Variants in IGDCC3 observed in about 807,000 individuals in gnomAD.
IGDCC3 encodes the protein putative neuronal cell adhesion molecule.
In IGDCC3, 47 loss-of-function variants were observed where a neutral mutation model predicts 72.0. That is an observed-to-expected ratio of 0.65 (90% CI 0.52 to 0.83). The LOEUF (loss-of-function observed/expected upper bound fraction) is 0.83. Ranked by LOEUF, IGDCC3 falls within the 40% of genes least tolerant of loss-of-function variation. IGDCC3 has a pLI of 0.00. For missense variants in IGDCC3, 1,038 were observed against 1,091.3 expected (o/e 0.95, Z 0.69); for synonymous variants, 477 against 472.8 (o/e 1.01, Z -0.11).
intron 2 of IGDCC3, among the ~76,000 whole-genome samples, chr15:65,374,380 A>T (rs184455013): frequency 6.6e-6 from 1 of 152,270 alleles, no homozygotes; most frequent in Admixed American, 6.5e-5. Flanking sequence ...CAATAACATA[A>T]TTTTTGCAGG....
In IGDCC3 at chr15:65,334,784, ACCG is replaced by A. The variant is rs1567061768; in HGVS notation, c.764_766del (p.Ala255del). The A allele has an allele frequency of 6.2e-7, 1 of 1,610,126 alleles. No homozygotes were observed. Among genetic ancestry groups the A allele is most frequent in the East Asian group, 2.2e-5 (1 of 44,740 alleles). On this transcript the variant is annotated inframe_deletion, in exon 5 of 14. Coordinates refer to ENST00000327987, the MANE Select transcript of IGDCC3 (RefSeq NM_004884.4). ...GTTGCCCGTGGCGACACACTCAAGC[ACCG>A]CGGTCTGGTGCACTGTCAGGGTGAG... is the stretch of plus-strand genomic sequence containing the variant.
At chr15:65,370,081 C>G (rs1365647433) in intron 2 of IGDCC3, among the ~76,000 whole-genome samples, 2 of 152,166 alleles carry the variant, frequency 1.3e-5, no homozygotes, top group Non-Finnish European at 2.9e-5. Context: ...TGGACTTTCT[C>G]TCCTCTCCCC....
Position 65,332,105 on chromosome 15 carries a change from G to C in IGDCC3, c.984C>G (p.Ala328=). The C allele has an allele frequency of 6.2e-7, 1 of 1,612,744 alleles. No individual in the cohort carries two copies. The highest frequency in any genetic ancestry group is 1.7e-4 in the Middle Eastern group (1 of 6,056). ...GGGGATGCTGCACAAACTCAGCTGG[G>C]GCTGCGAGTAGAGTCAGGAGGGTGG... ...RTAQGRLVVQ[A]PAEFVQHPQS... The change falls in exon 7 of 14, where the codon GCC becomes GCG. Residue 328 remains alanine (A), a splice_region_variant and synonymous_variant. Coordinates refer to ENST00000327987, the MANE Select transcript of IGDCC3 (RefSeq NM_004884.4).
At chr15:65,353,539 C>T (rs778606622) in intron 2 of IGDCC3, among the ~76,000 whole-genome samples, 6 of 152,078 alleles carry the variant, frequency 3.9e-5, no homozygotes. Flanking sequence ...CGTGAGCCAC[C>T]GTGCCCGGCC....
chr15:65,337,609 A>G (rs2091042796), intron 2 of IGDCC3, among the ~76,000 whole-genome samples: 1 of 152,130 alleles, frequency 6.6e-6, no homozygotes, highest in South Asian at 2.1e-4. Flanking sequence ...GCCTCAGGCC[A>G]AAGGCTGTGT....
At chr15:65,342,699 C>T (rs187075019) in intron 2 of IGDCC3, among the ~76,000 whole-genome samples, 8 of 152,328 alleles carry the variant, frequency 5.3e-5, no homozygotes, top group Admixed American at 3.3e-4. Context: ...TGCACTCCCC[C>T]CTCTTGGCCA....
intron 2 of IGDCC3, among the ~76,000 whole-genome samples, chr15:65,349,968 A>G (rs887960478): frequency 4.6e-5 from 7 of 152,126 alleles, no homozygotes; most frequent in African/African-American, 1.2e-4. Flanking sequence ...TGGTTTAAAT[A>G]TCTGCGTGAC....
intron 2 of IGDCC3, among the ~76,000 whole-genome samples, chr15:65,349,392 ATT>A (rs1446717681): frequency 2.0e-5 from 3 of 152,082 alleles, no homozygotes; most frequent in Non-Finnish European, 4.4e-5. Context: ...TACCAGTCAG[ATT>A]TTGGGTTTCT....
intron 2 of IGDCC3, among the ~76,000 whole-genome samples, chr15:65,371,856 G>A (rs1008130286): frequency 6.6e-6 from 1 of 152,186 alleles, no homozygotes; most frequent in Non-Finnish European, 1.5e-5. Flanking sequence ...CCTTTAGAGG[G>A]ATAGCGGAGG....
At chr15:65,342,311 G>C (rs1347587898) in intron 2 of IGDCC3, among the ~76,000 whole-genome samples, 1 of 151,808 alleles carries the variant, frequency 6.6e-6, no homozygotes, top group Non-Finnish European at 1.5e-5. Context: ...GCTTGAACCC[G>C]GGAGGTGGAG....
rs913232046 is a variant in IGDCC3, at chr15:65,328,054, A to AT, written c.*854dup. On this transcript the variant is annotated 3_prime_UTR_variant, in exon 14 of 14. Coordinates refer to ENST00000327987, the MANE Select transcript of IGDCC3 (RefSeq NM_004884.4). ...TCCTCTCATTTTTGGCTGCTTTCACATTTTTTCTCTGCCCAATCCATTTCT... is the reference window on the plus strand; with the variant it reads ...TCCTCTCATTTTTGGCTGCTTTCACATTTTTTTCTCTGCCCAATCCATTTCT... 8 of 152,372 alleles carry AT rather than the reference A, an allele frequency of 5.3e-5. No homozygotes were observed. Among genetic ancestry groups the AT allele is most frequent in the Non-Finnish European group, 8.8e-5 (6 of 68,022 alleles). The allele number at this position is 152,372 out of a possible 1,614,324, so 9.4% of individuals were successfully genotyped here. A position where few individuals can be genotyped will look rare whatever the true frequency, so the allele number is the denominator to read the frequency against.
intron 2 of IGDCC3, among the ~76,000 whole-genome samples, chr15:65,363,964 T>C (rs1185649698): frequency 6.6e-6 from 1 of 152,130 alleles, no homozygotes. Context: ...GCAAGACTTG[T>C]CTACACAGAG....
At chr15:65,349,152 G>A (rs571845021) in intron 2 of IGDCC3, among the ~76,000 whole-genome samples, 12 of 152,250 alleles carry the variant, frequency 7.9e-5, no homozygotes, top group Non-Finnish European at 1.3e-4. Context: ...AGGCCCATCT[G>A]GGGGCAAATT....
chr15:65,334,292 T>C lies in IGDCC3; in HGVS notation c.823+436A>G, dbSNP rs147219482. Among the ~76,000 whole-genome samples the C allele has an allele frequency of 4.3e-3, 656 of 152,122 alleles. 3 individuals carry two copies. The highest frequency in any genetic ancestry group is 7.4e-3 in the Non-Finnish European group (505 of 67,972). On this transcript the variant is annotated intron_variant, in intron 5 of 13. Coordinates refer to ENST00000327987, the MANE Select transcript of IGDCC3 (RefSeq NM_004884.4). ...GGGACTTAGGGGGCCAGGCTAGAGA[T>C]TGGGGGGGCCCAGAGTGAGGGTCTG...
Position 65,333,486 on chromosome 15 carries a change from T to C in IGDCC3, c.824-71A>G. The C allele has an allele frequency of 4.2e-6, 6 of 1,419,874 alleles. No individual in the cohort carries two copies. The South Asian group carries it at 7.2e-5, about 17-fold the overall frequency. The allele number at this position is 1,419,874 out of a possible 1,614,324, so 88.0% of individuals were successfully genotyped here. A position where few individuals can be genotyped will look rare whatever the true frequency, so the allele number is the denominator to read the frequency against. On this transcript the variant is annotated intron_variant, in intron 5 of 13. Transcript: ENST00000327987. ...ATGGAAGAAGGAAAGTAAAGGAAAC[T>C]TCCAGATGGCTTGCCCTTCCTCCTG... is the stretch of plus-strand genomic sequence containing the variant.
At chr15:65,335,487 T>C (rs2091020253) in intron 3 of IGDCC3, 66 bp from the exon 4 acceptor site, 12 of 1,521,912 alleles carry the variant, frequency 7.9e-6, no homozygotes, top group Middle Eastern at 1.8e-4. Context: ...ACAAAGACTC[T>C]GGGCATCCAA....
intron 2 of IGDCC3, among the ~76,000 whole-genome samples, chr15:65,368,160 TCACACACACACACACACA>T (rs57451250): frequency 3.4e-5 from 5 of 146,212 alleles, no homozygotes; most frequent in African/African-American, 1.3e-4. Context: ...TCTCTTTCAC[TCACACACACACACACACA>T]CACACACACA....
chr15:65,373,595 C>G (rs2140174140), intron 2 of IGDCC3: 1 of 152,868 alleles, frequency 6.5e-6, no homozygotes, highest in East Asian at 1.9e-4. Flanking sequence ...AGCGATCAGA[C>G]AGGAAAGAGG....
At chr15:65,366,129 A>G (rs1595764496) in intron 2 of IGDCC3, among the ~76,000 whole-genome samples, 1 of 148,476 alleles carries the variant, frequency 6.7e-6, no homozygotes, top group South Asian at 2.2e-4. Flanking sequence ...ACTCATTTGA[A>G]CCCGGGAGGT....
Sources: gnomAD v4.1 joint callset for allele counts (sites outside exome capture counted in the v4.1 genomes callset) on GRCh38, gnomAD v4.1.1 for gene constraint, MANE v1.5 for transcripts, NCBI Gene and HGNC (gene_info 2026-07-23, HGNC 2026-07-21) for gene names.